CHL1: variants seen among roughly 807,000 people sequenced by gnomAD.
The protein encoded by CHL1 is neural cell adhesion molecule L1-like protein.
A neutral mutation model predicts 141.9 loss-of-function variants in CHL1; 96 were observed. That is an observed-to-expected ratio of 0.68 (90% CI 0.57 to 0.80). The LOEUF is 0.80. Ranked by LOEUF, CHL1 falls within the 30% of genes least tolerant of loss-of-function variation. The pLI is 0.00. For missense variants in CHL1, 1,820 were observed against 1,457.2 expected (o/e 1.25, Z -4.05); for synonymous variants, 613 against 502.2 (o/e 1.22, Z -2.95).
At chr3:234,999 T>A (rs997539402) in intron 1 of CHL1, among the ~76,000 whole-genome samples, 1 of 150,702 alleles carries the variant, frequency 6.6e-6, no homozygotes, top group Non-Finnish European at 1.5e-5. Context: ...ATTACTATTA[T>A]TATTATTATT....
chr3:235,743 C>T (rs1457215314), intron 1 of CHL1, among the ~76,000 whole-genome samples: 3 of 152,170 alleles, frequency 2.0e-5, no homozygotes, highest in Admixed American at 2.0e-4. Flanking sequence ...TATTTGAGAT[C>T]TAAAAGATTA....
chr3:234,514 A>G (rs937613710), intron 1 of CHL1, among the ~76,000 whole-genome samples: 2 of 152,138 alleles, frequency 1.3e-5, no homozygotes, highest in African/African-American at 4.8e-5. Flanking sequence ...AAAATTAGTA[A>G]TATTTAAAGT....
chr3:363,604 C>G (rs1704509820), intron 14 of CHL1: 2 of 413,230 alleles, frequency 4.8e-6, no homozygotes, highest in Non-Finnish European at 8.6e-6. Flanking sequence ...AAGAGGCAGC[C>G]AGGTGTCTGT....
At chr3:239,201 CT>C (rs1692301356) in intron 1 of CHL1, among the ~76,000 whole-genome samples, 1 of 152,148 alleles carries the variant, frequency 6.6e-6, no homozygotes, top group African/African-American at 2.4e-5. Flanking sequence ...GCAGCTGCCC[CT>C]TGCTTATCAC....
intron 2 of CHL1, among the ~76,000 whole-genome samples, chr3:304,155 A>G (rs1439247719): frequency 6.6e-6 from 1 of 152,066 alleles, no homozygotes; most frequent in Non-Finnish European, 1.5e-5. Flanking sequence ...TATTTTATTG[A>G]GGATTTTCAC....
chr3:217,262 T>C (rs1700400674), intron 1 of CHL1, among the ~76,000 whole-genome samples: 1 of 151,788 alleles, frequency 6.6e-6, no homozygotes, highest in Non-Finnish European at 1.5e-5. Context: ...AAGCAAAGGG[T>C]ATATGTGTAT....
At chr3:344,402 C>T (rs757206075) in intron 8 of CHL1, among the ~76,000 whole-genome samples, 187 bp from the exon 9 acceptor site, 5 of 151,590 alleles carry the variant, frequency 3.3e-5, no homozygotes, top group East Asian at 1.9e-4. Context: ...TGAGGGACAA[C>T]CCATGCTTCA....
At chr3:322,155 G>C (rs916809534) in intron 3 of CHL1, among the ~76,000 whole-genome samples, 18 of 152,008 alleles carry the variant, frequency 1.2e-4, no homozygotes, top group African/African-American at 3.9e-4. Flanking sequence ...AGAAATAGTA[G>C]TAGTCAGAAA....
At chr3:362,284 G>C (rs1351837519) in intron 13 of CHL1, among the ~76,000 whole-genome samples, 1 of 152,002 alleles carries the variant, frequency 6.6e-6, no homozygotes, top group African/African-American at 2.4e-5. Flanking sequence ...TATCAATATG[G>C]ATCTACCTTA....
chr3:229,087 A>G (rs555950082), intron 1 of CHL1, among the ~76,000 whole-genome samples: 1 of 152,190 alleles, frequency 6.6e-6, no homozygotes, highest in South Asian at 2.1e-4. Context: ...GCAAGCAACC[A>G]GCACAGTGAA....
In CHL1 at chr3:342,058, C is replaced by T. The variant is rs1236646271; in HGVS notation, c.655C>T (p.Pro219Ser). The change falls in exon 7 of 28, where the codon CCA (proline) becomes TCA (serine). Residue 219 changes from proline (P) to serine (S), a missense_variant. By Grantham distance (74) the Pro-to-Ser change is moderately conservative. Coordinates refer to ENST00000256509, the MANE Select transcript of CHL1 (RefSeq NM_006614.4). Reference protein sequence around the residue: ...PRLRTIVQKMPMKLTVNSLKH... With the variant: ...PRLRTIVQKMSMKLTVNSLKH... ...ATTAAGGACTATTGTACAGAAAATG[C>T]CAATGAAACTAACAGTTAACAGTTG... The T allele has an allele frequency of 6.2e-6, 10 of 1,611,228 alleles. No homozygotes were observed. The highest frequency in any genetic ancestry group is 1.7e-5 in the Admixed American group (1 of 59,894).
chr3:310,604 G>T (rs938125316), intron 2 of CHL1, among the ~76,000 whole-genome samples: 1 of 151,882 alleles, frequency 6.6e-6, no homozygotes, highest in African/African-American at 2.4e-5. Flanking sequence ...GTTGTTTTAG[G>T]TTCACAGCAA....
intron 1 of CHL1, chr3:197,810 G>C (rs1282594133): frequency 2.2e-6 from 1 of 456,592 alleles, no homozygotes; most frequent in Non-Finnish European, 4.4e-6. Flanking sequence ...GGAGCCCGGG[G>C]GGCTGGAGAT....
Position 328,368 on chromosome 3 carries a change from C to G in CHL1, c.385+14C>G, listed in dbSNP as rs62227239. 6.3e-7 allele frequency: 1 copy of G among 1,587,372 alleles called. No individual in the cohort carries two copies. Among genetic ancestry groups the G allele is most frequent in the Admixed American group, 1.8e-5 (1 of 56,712 alleles). ...TTATAGTTCCAAGTAAGTACTATAA[C>G]GGGAATTTCATTTTACAAGTGTTTT... On this transcript the variant is annotated intron_variant, in intron 5 of 27. Coordinates refer to ENST00000256509, the MANE Select transcript of CHL1 (RefSeq NM_006614.4).
chr3:292,935 AG>A (rs1196790972), intron 2 of CHL1, among the ~76,000 whole-genome samples: 2 of 152,232 alleles, frequency 1.3e-5, no homozygotes, highest in Admixed American at 1.3e-4. Flanking sequence ...ACGTTTCAAC[AG>A]GAGATGTGGT....
chr3:242,375 T>A (rs1400056181), intron 1 of CHL1, among the ~76,000 whole-genome samples: 1 of 143,366 alleles, frequency 7.0e-6, no homozygotes, highest in African/African-American at 2.6e-5. Context: ...GGGGGGCAGA[T>A]CACGAGGTCA....
Position 394,771 on chromosome 3 carries a change from A to T in CHL1, c.2993A>T (p.Asn998Ile), listed in dbSNP as rs1473431114. Reference protein sequence around the residue: ...TPSKPSWHLSNLNATTKYKFY... With the variant: ...TPSKPSWHLSILNATTKYKFY... ...TCAAAGCCCAGCTGGCACCTCTCAAACCTGAATGCAACTACCAAGTACAAA... is the reference window on the plus strand; with the variant it reads ...TCAAAGCCCAGCTGGCACCTCTCAATCCTGAATGCAACTACCAAGTACAAA... Residue 998 changes from asparagine (N) to isoleucine (I), a missense_variant, in exon 24 of 28, where the codon AAC becomes ATC. Asn to Ile is a moderately radical substitution (Grantham distance 149). Transcript: ENST00000256509. The T allele has an allele frequency of 6.2e-7, 1 of 1,613,984 alleles. No homozygotes were observed. Among genetic ancestry groups the T allele is most frequent in the Admixed American group, 1.7e-5 (1 of 60,020 alleles).
intron 9 of CHL1, 142 bp downstream of exon 9, chr3:344,851 A>T (rs547047089): frequency 1.3e-6 from 1 of 797,574 alleles, no homozygotes; most frequent in Non-Finnish European, 1.9e-6. Context: ...CACTGCAGAT[A>T]TTCTGCTCAG....
chr3:400,432 T>C (rs915959998), intron 26 of CHL1, among the ~76,000 whole-genome samples: 1 of 151,944 alleles, frequency 6.6e-6, no homozygotes, highest in African/African-American at 2.4e-5. Flanking sequence ...TTGTGTATTG[T>C]GGTGCTATCC....
Sources: gnomAD v4.1 joint callset for allele counts (sites outside exome capture counted in the v4.1 genomes callset) on GRCh38, gnomAD v4.1.1 for gene constraint, MANE v1.5 for transcripts, NCBI Gene and HGNC (gene_info 2026-07-23, HGNC 2026-07-21) for gene names.